HLF: variants seen among roughly 807,000 people sequenced by gnomAD.
The protein encoded by HLF is HLF transcription factor, PAR bZIP family member.
HLF carries 3 observed loss-of-function variants against 22.6 expected under a neutral mutation model. The observed-to-expected ratio is 0.13, with a 90% CI of 0.06 to 0.34. The LOEUF is 0.34. Among genes scored for constraint, HLF ranks in the 10% least tolerant of loss-of-function variants. HLF has a pLI of 1.00. For synonymous variants in HLF, 151 were observed against 151.8 expected, an observed-to-expected ratio of 0.99 and a Z score of 0.04; for missense variants, 299 against 389.2, an observed-to-expected ratio of 0.77 and a Z score of 1.95.
At chr17:55,298,760 G>C (rs890992019) in intron 2 of HLF, among the ~76,000 whole-genome samples, 1 of 152,162 alleles carries the variant, frequency 6.6e-6, no homozygotes, top group African/African-American at 2.4e-5. Context: ...TTTTTATTAC[G>C]TGTGTAAATC....
At chr17:55,274,935 G>C (rs2080892559) in intron 2 of HLF, among the ~76,000 whole-genome samples, 1 of 152,168 alleles carries the variant, frequency 6.6e-6, no homozygotes, top group African/African-American at 2.4e-5. Flanking sequence ...TAAGAACACT[G>C]GTCAAGAAAT....
chr17:55,274,018 G>A (rs906839085), intron 2 of HLF, among the ~76,000 whole-genome samples: 1 of 151,518 alleles, frequency 6.6e-6, no homozygotes, highest in Admixed American at 6.6e-5. Flanking sequence ...CCTGCCAAGG[G>A]TCTTGGCAGA....
At chr17:55,283,865 C>G (rs557889449) in intron 2 of HLF, 20 of 152,182 alleles carry the variant, frequency 1.3e-4, no homozygotes. Flanking sequence ...TCCATACTTG[C>G]GATTCTTGAT....
chr17:55,265,691 C>G, intron 1 of HLF, 92 bp downstream of exon 1: 1 of 1,088,906 alleles, frequency 9.2e-7, no homozygotes, highest in Admixed American at 3.3e-5. Flanking sequence ...ATCCCCCAAC[C>G]CCGCTCCCGC....
At position 55,315,571 on chromosome 17, in the gene HLF, G is replaced by T. The variant is rs920776157; in HGVS notation, c.672+124G>T. Reference sequence around the variant, plus strand: ...TGAAGGATTTCTGATTTCTGATCCTGTTTCTTGGCATGTGACTTCTAGGCC... The same window carrying T: ...TGAAGGATTTCTGATTTCTGATCCTTTTTCTTGGCATGTGACTTCTAGGCC... On this transcript the variant is annotated intron_variant, in intron 3 of 3. Coordinates refer to ENST00000226067, the MANE Select transcript of HLF (RefSeq NM_002126.5). The T allele has an allele frequency of 9.6e-6, 7 of 730,288 alleles. No homozygotes were observed. In the Admixed American group the frequency reaches 1.2e-4, roughly 12 times the overall value. The allele number at this position is 730,288 out of a possible 1,614,324, so 45.2% of individuals were successfully genotyped here.
Position 55,265,214 on chromosome 17 carries a change from G to C in HLF, c.-271G>C. 2.9e-6 allele frequency: 1 copy of C among 344,310 alleles called. No individual in the cohort carries two copies. The highest frequency in any genetic ancestry group is 4.7e-5 in the East Asian group (1 of 21,138). 21.3% of individuals were successfully genotyped at this position (344,310 alleles called of 1,614,324 possible). A position where few individuals can be genotyped will look rare whatever the true frequency, so the allele number is the denominator to read the frequency against. On this transcript the variant is annotated 5_prime_UTR_variant, in exon 1 of 4. Coordinates refer to ENST00000226067, the MANE Select transcript of HLF (RefSeq NM_002126.5). ...AAAACGAGGGGTTCGAGGCAGGTGA[G>C]AGCATCCTGCACGTCGCCGGGGAGC... is the stretch of plus-strand genomic sequence containing the variant.
chr17:55,323,711 TC>T lies in HLF; in HGVS notation c.*2833del. On this transcript the variant is annotated 3_prime_UTR_variant, in exon 4 of 4. Transcript: ENST00000226067. ...GCAGTTAACTAGCAAACAAGGCAGA[TC>T]TGCTTCATGGAGCGGGAGGCCATGG... The T allele has an allele frequency of 4.3e-6, 1 of 230,416 alleles. No homozygotes were observed. Among genetic ancestry groups the T allele is most frequent in the Non-Finnish European group, 8.6e-6 (1 of 115,944 alleles). The allele number at this position is 230,416 out of a possible 1,614,324, so 14.3% of individuals were successfully genotyped here.
intron 2 of HLF, among the ~76,000 whole-genome samples, chr17:55,314,512 T>C (rs1904984787): frequency 6.6e-6 from 1 of 152,186 alleles, no homozygotes; most frequent in African/African-American, 2.4e-5. Flanking sequence ...CTCACTGACA[T>C]TTGGATTGTT....
intron 2 of HLF, among the ~76,000 whole-genome samples, chr17:55,299,402 C>A (rs536782532): frequency 1.3e-5 from 2 of 152,124 alleles, no homozygotes; most frequent in African/African-American, 4.8e-5. Flanking sequence ...ACTTCCGTAA[C>A]CTATGCCCCA....
intron 2 of HLF, among the ~76,000 whole-genome samples, chr17:55,311,560 A>G (rs923750641): frequency 4.0e-4 from 61 of 152,198 alleles, no homozygotes; most frequent in African/African-American, 1.4e-3. Flanking sequence ...CAGATTGCCA[A>G]CATTTAAAAA....
In HLF at chr17:55,324,006, A is replaced by G. The variant is rs983769794; in HGVS notation, c.*3127A>G. The stretch of plus-strand genomic sequence containing the variant: ...AAGAAAGGCAAAAATTGACCAGCCT[A>G]TCTTTCTGCTGGTGCTGCCTTAAGG... On this transcript the variant is annotated 3_prime_UTR_variant, in exon 4 of 4. Transcript: ENST00000226067. 7 of 228,832 alleles carry G rather than the reference A, an allele frequency of 3.1e-5. No homozygotes were observed. The highest frequency in any genetic ancestry group is 5.7e-5 in the Admixed American group (1 of 17,600). 14.2% of individuals were successfully genotyped at this position (228,832 alleles called of 1,614,324 possible).
chr17:55,296,704 G>A (rs1161028581), intron 2 of HLF, among the ~76,000 whole-genome samples: 1 of 152,182 alleles, frequency 6.6e-6, no homozygotes, highest in African/African-American at 2.4e-5. Flanking sequence ...GTACACTTGT[G>A]TGGTATATCT....
chr17:55,310,975 A>G (rs1042066867), intron 2 of HLF, among the ~76,000 whole-genome samples: 3 of 152,216 alleles, frequency 2.0e-5, no homozygotes, highest in Non-Finnish European at 4.4e-5. Flanking sequence ...AAAAAAGCCC[A>G]CAAAAAATAA....
intron 2 of HLF, among the ~76,000 whole-genome samples, chr17:55,277,403 A>G (rs1167356745): frequency 2.6e-5 from 4 of 152,142 alleles, no homozygotes; most frequent in Non-Finnish European, 2.9e-5. Flanking sequence ...CAAGCTAAAA[A>G]TACTTAGCCA....
At chr17:55,316,859 G>T (rs991334458) in intron 3 of HLF, among the ~76,000 whole-genome samples, 1 of 152,022 alleles carries the variant, frequency 6.6e-6, no homozygotes, top group Non-Finnish European at 1.5e-5. Flanking sequence ...ACTGAGATGG[G>T]GTAAAAAAGG....
chr17:55,287,756 A>G (rs2081018795), intron 2 of HLF, among the ~76,000 whole-genome samples: 1 of 152,234 alleles, frequency 6.6e-6, no homozygotes, highest in East Asian at 1.9e-4. Context: ...CCAAACTCCC[A>G]AAGTACTCTG....
At chr17:55,310,825 A>C (rs1437455805) in intron 2 of HLF, among the ~76,000 whole-genome samples, 1 of 152,214 alleles carries the variant, frequency 6.6e-6, no homozygotes, top group Non-Finnish European at 1.5e-5. Context: ...GTAGCTTCCT[A>C]TATAGCAGCA....
chr17:55,268,339 G>A (rs1476516865), intron 2 of HLF, among the ~76,000 whole-genome samples: 1 of 152,172 alleles, frequency 6.6e-6, no homozygotes, highest in Non-Finnish European at 1.5e-5. Context: ...TCTGGAATGA[G>A]GGCCCAGGAA....
intron 2 of HLF, among the ~76,000 whole-genome samples, chr17:55,314,670 C>T (rs1414373415): frequency 2.0e-5 from 3 of 152,198 alleles, no homozygotes; most frequent in African/African-American, 7.2e-5. Flanking sequence ...TGTCTTGGCA[C>T]CTAGAATACC....
Sources: gnomAD v4.1 joint callset for allele counts (sites outside exome capture counted in the v4.1 genomes callset) on GRCh38, gnomAD v4.1.1 for gene constraint, MANE v1.5 for transcripts, NCBI Gene and HGNC (gene_info 2026-07-23, HGNC 2026-07-21) for gene names.